ELMO1: variants seen among roughly 807,000 people sequenced by gnomAD.
ELMO1 encodes engulfment and cell motility 1.
In ELMO1, 26 loss-of-function variants were observed where a neutral mutation model predicts 98.9. The ratio of observed to expected loss-of-function variants is 0.26; its 90% CI spans 0.19 to 0.36. The LOEUF (loss-of-function observed/expected upper bound fraction) is 0.36, where lower values mean the gene tolerates loss of function less well. Among genes scored for constraint, ELMO1 ranks in the 10% least tolerant of loss-of-function variants. The pLI, the probability that ELMO1 is intolerant of heterozygous loss-of-function variation, is 1.00. For missense variants in ELMO1, 627 were observed against 935.2 expected (o/e 0.67, Z 4.30); for synonymous variants, 346 against 346.0 (o/e 1.00, Z 0.00).
chr7:37,441,049 T>C (rs1805396242), intron 1 of ELMO1, among the ~76,000 whole-genome samples: 1 of 151,186 alleles, frequency 6.6e-6, no homozygotes, highest in African/African-American at 2.4e-5. Context: ...TTAAGGGTAA[T>C]TGTGTGTAGC....
At chr7:36,976,615 G>GA (rs1407514141) in intron 16 of ELMO1, among the ~76,000 whole-genome samples, 4 of 152,236 alleles carry the variant, frequency 2.6e-5, no homozygotes, top group African/African-American at 9.6e-5. Context: ...CTTTTGTTTG[G>GA]CTCTCAGAGA....
At chr7:37,080,903 T>A (rs1313680097) in intron 15 of ELMO1, among the ~76,000 whole-genome samples, 4 of 152,130 alleles carry the variant, frequency 2.6e-5, no homozygotes, top group Non-Finnish European at 5.9e-5. Context: ...TTCCAGACAC[T>A]ATCTTGGCCC....
intron 2 of ELMO1, among the ~76,000 whole-genome samples, chr7:37,317,962 G>A (rs547118970): frequency 8.5e-5 from 13 of 152,120 alleles, no homozygotes; most frequent in East Asian, 7.7e-4. Context: ...TACTAAGTAC[G>A]CACAAAAGTT....
chr7:37,438,427 A>T (rs1412110622), intron 1 of ELMO1, among the ~76,000 whole-genome samples: 15 of 103,992 alleles, frequency 1.4e-4, no homozygotes, highest in African/African-American at 5.6e-4. Context: ...CTCTACTAAA[A>T]ATACAAAAAA....
At chr7:37,124,077 T>C (rs938287149) in intron 14 of ELMO1, among the ~76,000 whole-genome samples, 3 of 152,100 alleles carry the variant, frequency 2.0e-5, no homozygotes, top group Admixed American at 2.0e-4. Flanking sequence ...TTTGACAAAA[T>C]TCAATAGCCC....
At position 37,062,518 on chromosome 7, in the gene ELMO1, C is replaced by T. The variant is rs1049661472; in HGVS notation, c.1300+34101G>A. 2.0e-5 allele frequency among the ~76,000 whole-genome samples: 3 copies of T among 152,136 alleles called. No homozygotes were observed. The East Asian group carries it at 5.8e-4, about 29-fold the overall frequency. ...AGCTCACCGAGTGTATATTATGACA[C>T]ACTAATCAGATAAACTGGGCTGTGA... On this transcript the variant is annotated intron_variant, in intron 15 of 21. Transcript: ENST00000310758.
intron 4 of ELMO1, among the ~76,000 whole-genome samples, chr7:37,310,371 G>A (rs1354274685): frequency 6.6e-6 from 1 of 152,112 alleles, no homozygotes; most frequent in Non-Finnish European, 1.5e-5. Flanking sequence ...GTTTTCTGGG[G>A]ACTCATCTCC....
intron 16 of ELMO1, among the ~76,000 whole-genome samples, chr7:36,935,885 T>C (rs1786484964): frequency 6.6e-6 from 1 of 152,152 alleles, no homozygotes; most frequent in South Asian, 2.1e-4. Flanking sequence ...AGCTGTGTGA[T>C]TTTGGAAAGA....
At chr7:37,227,975 A>C (rs1314912846) in intron 8 of ELMO1, among the ~76,000 whole-genome samples, 1 of 152,238 alleles carries the variant, frequency 6.6e-6, no homozygotes, top group Non-Finnish European at 1.5e-5. Flanking sequence ...TCATTTCAGC[A>C]ATCCTAAAGC....
chr7:37,141,570 T>C (rs1451860732), intron 13 of ELMO1, among the ~76,000 whole-genome samples: 1 of 152,020 alleles, frequency 6.6e-6, no homozygotes, highest in East Asian at 1.9e-4. Context: ...ATCTAAATGG[T>C]GAATAATTTA....
At chr7:37,056,663 G>A (rs937154384) in intron 15 of ELMO1, among the ~76,000 whole-genome samples, 15 of 152,222 alleles carry the variant, frequency 9.9e-5, no homozygotes, top group African/African-American at 3.4e-4. Flanking sequence ...TTAGAGGAAA[G>A]GTGCCCTGGC....
intron 20 of ELMO1, among the ~76,000 whole-genome samples, chr7:36,866,665 C>G (rs1032855038): frequency 1.3e-5 from 2 of 152,158 alleles, no homozygotes; most frequent in African/African-American, 4.8e-5. Flanking sequence ...TTGCCTTGCT[C>G]GGTGATTAAG....
intron 14 of ELMO1, among the ~76,000 whole-genome samples, chr7:37,102,561 C>A (rs1784697737): frequency 6.6e-6 from 1 of 152,194 alleles, no homozygotes; most frequent in African/African-American, 2.4e-5. Context: ...GGGATGCCAT[C>A]AAGATGGCAG....
intron 15 of ELMO1, among the ~76,000 whole-genome samples, chr7:37,016,119 T>C (rs1793915183): frequency 6.6e-6 from 1 of 152,128 alleles, no homozygotes; most frequent in Non-Finnish European, 1.5e-5. Flanking sequence ...CACAGTATCA[T>C]TTTTGGATCT....
intron 2 of ELMO1, among the ~76,000 whole-genome samples, chr7:37,326,287 G>T (rs112646792): frequency 0.063 from 9,586 of 152,198 alleles, 396 homozygotes; most frequent in Middle Eastern, 0.092. Flanking sequence ...AGGCACGGTG[G>T]CTCACACCTG....
At chr7:36,943,088 G>A (rs1787186293) in intron 16 of ELMO1, among the ~76,000 whole-genome samples, 1 of 152,170 alleles carries the variant, frequency 6.6e-6, no homozygotes, top group Non-Finnish European at 1.5e-5. Context: ...GGTGCTCATG[G>A]TGAGGGCTAC....
chr7:37,009,709 C>A (rs1793413295), intron 16 of ELMO1, among the ~76,000 whole-genome samples: 1 of 152,228 alleles, frequency 6.6e-6, no homozygotes, highest in African/African-American at 2.4e-5. Context: ...CAAATAAACC[C>A]ACCTTCCATG....
intron 14 of ELMO1, among the ~76,000 whole-genome samples, chr7:37,130,219 C>A (rs544319253): frequency 1.2e-3 from 178 of 152,286 alleles, no homozygotes; most frequent in Admixed American, 2.3e-3. Context: ...CCACCACCAC[C>A]TCTACTTTTG....
At chr7:37,253,525 A>T (rs1023861922) in intron 6 of ELMO1, among the ~76,000 whole-genome samples, 1 of 152,190 alleles carries the variant, frequency 6.6e-6, no homozygotes, top group African/African-American at 2.4e-5. Flanking sequence ...GGAGTTGAAC[A>T]ATGAGAACAC....
Sources: allele counts gnomAD v4.1 joint callset (sites outside exome capture counted in the v4.1 genomes callset), GRCh38; gene constraint gnomAD v4.1.1; transcripts MANE v1.5; gene names NCBI Gene and HGNC (gene_info 2026-07-23, HGNC 2026-07-21).